Variants in SCML2 observed in about 807,000 individuals in gnomAD.
SCML2 encodes the protein sex comb on midleg-like protein 2.
Under a neutral mutation model 48.4 loss-of-function variants are expected in SCML2, and 6 were observed. The observed-to-expected ratio is 0.12, with a 90% CI of 0.07 to 0.24. The LOEUF (loss-of-function observed/expected upper bound fraction) is 0.24, where lower values mean the gene tolerates loss of function less well. SCML2 is among the 10% of genes least tolerant of loss of function. SCML2 has a pLI of 1.00. For missense variants in SCML2, 377 were observed against 528.2 expected (o/e 0.71, Z 2.81); for synonymous variants, 181 against 189.5 (o/e 0.95, Z 0.37).
chrX:18,291,437 A>G (rs1199296322), intron 7 of SCML2, among the ~76,000 whole-genome samples: 1 of 112,524 alleles, frequency 8.9e-6, no homozygotes, highest in Non-Finnish European at 1.9e-5. Context: ...AGAAGTATTT[A>G]CACAGTTTTT....
Position 18,269,691 on chromosome X carries a change from G to A in SCML2, c.731-3889C>T, listed in dbSNP as rs866062396. 3.6e-5 allele frequency among the ~76,000 whole-genome samples: 4 copies of A among 111,712 alleles called. 1 individual carries two copies. In the Middle Eastern group the frequency reaches 0.018, roughly 512 times the overall value. ...ATCTGGGTTCAAATTCCTGTGCCAG[G>A]TTGGTTTAAGACAGAACCTAGGAAT... On this transcript the variant is annotated intron_variant, in intron 7 of 14. Coordinates refer to ENST00000251900, the MANE Select transcript of SCML2 (RefSeq NM_006089.3).
At chrX:18,260,944 A>G (rs755194060) in intron 8 of SCML2, among the ~76,000 whole-genome samples, 1 of 109,463 alleles carries the variant, frequency 9.1e-6, no homozygotes, top group Non-Finnish European at 1.9e-5. Flanking sequence ...ACCTTCAAAC[A>G]TGACTCTCCA....
intron 6 of SCML2, among the ~76,000 whole-genome samples, chrX:18,310,368 C>A (rs1301969709): frequency 9.9e-6 from 1 of 101,111 alleles, no homozygotes; most frequent in African/African-American, 3.7e-5. Context: ...TGGGTTCAAG[C>A]AATTCTCCTG....
chrX:18,345,159 TTGTGC>T (rs1930158547), intron 1 of SCML2, among the ~76,000 whole-genome samples: 1 of 111,735 alleles, frequency 8.9e-6, no homozygotes, highest in South Asian at 3.8e-4. Context: ...TGCTTAACCA[TTGTGC>T]TAAAACTGCC....
intron 7 of SCML2, among the ~76,000 whole-genome samples, chrX:18,283,312 G>C (rs1927928750): frequency 9.0e-6 from 1 of 111,652 alleles, no homozygotes; most frequent in Non-Finnish European, 1.9e-5. Flanking sequence ...AATAATAAGT[G>C]CCATCTATGA....
At chrX:18,303,988 T>C (rs759862272) in intron 7 of SCML2, among the ~76,000 whole-genome samples, 1 of 112,413 alleles carries the variant, frequency 8.9e-6, no homozygotes, top group Non-Finnish European at 1.9e-5. Context: ...ATATACTTAG[T>C]AGCGTTAGTT....
At chrX:18,311,462 T>C (rs1358540922) in intron 6 of SCML2, among the ~76,000 whole-genome samples, 2 of 111,945 alleles carry the variant, frequency 1.8e-5, no homozygotes, top group Non-Finnish European at 1.9e-5. Flanking sequence ...GGAGGGGTTG[T>C]ACAACTTTAA....
At chrX:18,352,311 T>C (rs1930401990) in intron 1 of SCML2, among the ~76,000 whole-genome samples, 1 of 112,281 alleles carries the variant, frequency 8.9e-6, no homozygotes, top group Non-Finnish European at 1.9e-5. Flanking sequence ...TTTCCATTTA[T>C]ACCAGCAACT....
At chrX:18,327,519 C>A (rs1290442339) in intron 3 of SCML2, among the ~76,000 whole-genome samples, 2 of 112,093 alleles carry the variant, frequency 1.8e-5, no homozygotes, top group African/African-American at 6.5e-5. Flanking sequence ...CTTCCATAAA[C>A]CAATGACATT....
chrX:18,296,764 C>T (rs1442440141), intron 7 of SCML2, among the ~76,000 whole-genome samples: 1 of 111,487 alleles, frequency 9.0e-6, no homozygotes, highest in Non-Finnish European at 1.9e-5. Context: ...AATAAAAAGT[C>T]TCCCAACATC....
chrX:18,264,501 C>T (rs1421682088), intron 8 of SCML2, among the ~76,000 whole-genome samples: 1 of 104,105 alleles, frequency 9.6e-6, no homozygotes, highest in Non-Finnish European at 2.0e-5. Flanking sequence ...TCATCGAAGA[C>T]CAGTTGAATA....
intron 1 of SCML2, among the ~76,000 whole-genome samples, chrX:18,350,924 T>C (rs1334996475): frequency 9.0e-6 from 1 of 110,996 alleles, no homozygotes; most frequent in Non-Finnish European, 1.9e-5. Flanking sequence ...GACAAAGAGA[T>C]CCTGAATATT....
At chrX:18,311,255 G>A (rs1928938938) in intron 6 of SCML2, among the ~76,000 whole-genome samples, 1 of 111,001 alleles carries the variant, frequency 9.0e-6, no homozygotes, top group Non-Finnish European at 1.9e-5. Flanking sequence ...ACTATATTCC[G>A]GACACTACTG....
At chrX:18,282,384 T>A (rs1024597216) in intron 7 of SCML2, among the ~76,000 whole-genome samples, 11 of 111,153 alleles carry the variant, frequency 9.9e-5, no homozygotes, top group Middle Eastern at 4.6e-3. Context: ...ACACTTGTAA[T>A]CCCAGCACTT....
intron 1 of SCML2, among the ~76,000 whole-genome samples, chrX:18,337,598 A>G (rs1929874032): frequency 9.0e-6 from 1 of 111,207 alleles, no homozygotes; most frequent in African/African-American, 3.3e-5. Context: ...ATGCCTAACA[A>G]GAGAGCATCA....
At chrX:18,258,527 C>T (rs1181049680) in intron 9 of SCML2, among the ~76,000 whole-genome samples, 1 of 111,483 alleles carries the variant, frequency 9.0e-6, no homozygotes, top group Non-Finnish European at 1.9e-5. Flanking sequence ...ACATTTTAGG[C>T]ACATCACAAA....
At chrX:18,253,064 G>A (rs1450275259) in intron 11 of SCML2, among the ~76,000 whole-genome samples, 1 of 111,819 alleles carries the variant, frequency 8.9e-6, no homozygotes, top group African/African-American at 3.2e-5. Flanking sequence ...TAATACATGA[G>A]GAAGAAGGCT....
intron 14 of SCML2, among the ~76,000 whole-genome samples, chrX:18,242,120 AC>A (rs1166697150): frequency 9.0e-6 from 1 of 111,670 alleles, no homozygotes; most frequent in African/African-American, 3.3e-5. Context: ...TGGTTCTGGC[AC>A]TGAGCTGGGA....
At chrX:18,255,892 A>G (rs1277165856) in intron 11 of SCML2, among the ~76,000 whole-genome samples, 1 of 112,351 alleles carries the variant, frequency 8.9e-6, no homozygotes, top group African/African-American at 3.2e-5. Flanking sequence ...TGAGAACTTC[A>G]GCTACTCTTA....
Sources: gnomAD v4.1 joint callset for allele counts (sites outside exome capture counted in the v4.1 genomes callset) on GRCh38, gnomAD v4.1.1 for gene constraint, MANE v1.5 for transcripts, NCBI Gene and HGNC (gene_info 2026-07-23, HGNC 2026-07-21) for gene names.